Variants in POU2F2 observed in about 807,000 individuals in gnomAD.
POU2F2 encodes the protein POU class 2 homeobox 2, also known as POU domain, class 2, transcription factor 2.
A neutral mutation model predicts 63.5 loss-of-function variants in POU2F2; 14 were observed. The observed-to-expected ratio is 0.22, with a 90% CI of 0.15 to 0.34. The LOEUF is 0.34. POU2F2 is among the 10% of genes least tolerant of loss of function. The pLI is 1.00. For missense variants in POU2F2, 607 were observed against 815.2 expected (o/e 0.74, Z 3.11); for synonymous variants, 306 against 348.6 (o/e 0.88, Z 1.36).
intron 1 of POU2F2, among the ~76,000 whole-genome samples, chr19:42,183,041 G>A (rs868221927): frequency 2.0e-5 from 3 of 152,190 alleles, no homozygotes; most frequent in African/African-American, 7.2e-5. Flanking sequence ...GGATGAAAAG[G>A]CCATGAGGCA....
intron 1 of POU2F2, among the ~76,000 whole-genome samples, chr19:42,126,668 G>A (rs2033228797): frequency 6.6e-6 from 1 of 152,090 alleles, no homozygotes; most frequent in Non-Finnish European, 1.5e-5. Flanking sequence ...TGATGTGGAA[G>A]CCCTAGCAAA....
intron 2 of POU2F2, among the ~76,000 whole-genome samples, chr19:42,144,390 C>A (rs1020241647): frequency 1.3e-5 from 2 of 152,214 alleles, no homozygotes; most frequent in Non-Finnish European, 2.9e-5. Context: ...CCTCACAAGG[C>A]GGGAGAAGAA....
chr19:42,152,397 T>C lies in POU2F2; in HGVS notation c.-9+7935A>G, dbSNP rs537405361. ...AAGGCCCCAGATGGGCCGAGGACTA[T>C]AGGGGTCCCGGCTGCCCTCCCCCAA... is the stretch of plus-strand genomic sequence containing the variant. On this transcript the variant is annotated intron_variant, in intron 2 of 6. Transcript: ENST00000524801. This position sits in a 1 kb window ranked among gnomAD's most constrained non-coding sequence, Gnocchi z 4.1. Among the ~76,000 whole-genome samples, 25 of 151,782 alleles carry C rather than the reference T, an allele frequency of 1.6e-4. No homozygotes were observed. Among genetic ancestry groups the C allele is most frequent in the African/African-American group, 4.8e-4 (20 of 41,386 alleles).
chr19:42,186,358 G>T (rs1367452150), intron 1 of POU2F2, among the ~76,000 whole-genome samples: 3 of 151,980 alleles, frequency 2.0e-5, no homozygotes, highest in Non-Finnish European at 4.4e-5. Context: ...AACAAAAAAA[G>T]AATTTTAAAG....
rs117017756 is a variant in POU2F2 at position 42,148,846 on chromosome 19, C to T, written c.-9+11486G>A. Among the ~76,000 whole-genome samples the T allele has an allele frequency of 8.6e-5, 13 of 151,854 alleles. No homozygotes were observed. The East Asian group carries it at 1.7e-3, about 20-fold the overall frequency. ...AATGAACCAGACACCAGTGATGTCA[C>T]GGCCCCTGCTCTGGGGAGCTGACAA... On this transcript the variant is annotated intron_variant, in intron 2 of 6. Transcript: ENST00000524801.
rs765849027 is a variant in POU2F2, at chr19:42,152,293, G to T, written c.-9+8039C>A. 2.0e-5 allele frequency among the ~76,000 whole-genome samples: 3 copies of T among 152,102 alleles called. No individual in the cohort carries two copies. The highest frequency in any genetic ancestry group is 2.9e-5 in the Non-Finnish European group (2 of 67,990). On this transcript the variant is annotated intron_variant, in intron 2 of 6. Transcript: ENST00000524801. The surrounding 1 kb of genome is among the most constrained non-coding windows in gnomAD (Gnocchi z 4.1). ...CTCTCGGGGAGAGGGCCGCAGCGAA[G>T]AAGAAGAGGGGGAGAATAAGGCGGG...
chr19:42,099,768 G>A lies in POU2F2; in HGVS notation c.423C>T (p.His141=). Residue 141 remains histidine, a synonymous_variant, in exon 6 of 15, where the codon CAC becomes CAT. Coordinates refer to ENST00000692977, the MANE Select transcript of POU2F2 (RefSeq NM_001394376.1). ...LQQLVLVPGH[H]LQPPAQFLLP... The stretch of plus-strand genomic sequence containing the variant: ...GCAGGAACTGAGCAGGTGGCTGGAG[G>A]TGGTGGCCTGGCACAAGCACCAGCT... The A allele has an allele frequency of 6.3e-7, 1 of 1,588,192 alleles. No individual in the cohort carries two copies. The highest frequency in any genetic ancestry group is 8.6e-7 in the Non-Finnish European group (1 of 1,165,966).
chr19:42,147,795 T>G (rs923772034), intron 2 of POU2F2, among the ~76,000 whole-genome samples: 4 of 152,150 alleles, frequency 2.6e-5, no homozygotes, highest in African/African-American at 9.7e-5. Flanking sequence ...TACAAAAGCT[T>G]AAAGACCTGG....
intron 2 of POU2F2, among the ~76,000 whole-genome samples, chr19:42,151,290 G>A (rs1331035667): frequency 6.6e-6 from 1 of 151,788 alleles, no homozygotes; most frequent in Non-Finnish European, 1.5e-5. Flanking sequence ...GAGAGGGGCT[G>A]TGGGGATGGC....
At position 42,092,097 on chromosome 19, in the gene POU2F2, C is replaced by T. The variant is rs576339000; in HGVS notation, c.1438G>A (p.Gly480Ser). The change falls in exon 13 of 15, where the codon GGC becomes AGC. Residue 480 changes from glycine (G) to serine (S), a missense_variant. Coordinates refer to ENST00000692977, the MANE Select transcript of POU2F2 (RefSeq NM_001394376.1). The surrounding 1 kb of genome is among the most constrained non-coding windows in gnomAD (Gnocchi z 5.0). ...GTGCTGGGGTTCAGGCCTGACAAGC[C>T]GATAGCCGAGTGGCTGCCTTGAGGG... The part of the protein sequence containing the change: ...PSPQGSHSAI[G>S]LSGLNPSTGS... 14 of 1,595,794 alleles carry T rather than the reference C, an allele frequency of 8.8e-6. No homozygotes were observed. In the East Asian group the frequency reaches 8.9e-5, roughly 10 times the overall value.
chr19:42,137,930 T>C (rs1359307719), intron 2 of POU2F2, among the ~76,000 whole-genome samples: 1 of 152,130 alleles, frequency 6.6e-6, no homozygotes, highest in Non-Finnish European at 1.5e-5. Context: ...AGGAGGCCTA[T>C]AGAGCTGGAG....
intron 5 of POU2F2, among the ~76,000 whole-genome samples, chr19:42,109,127 C>T (rs1275928574): frequency 6.6e-6 from 1 of 152,212 alleles, no homozygotes; most frequent in Non-Finnish European, 1.5e-5. Flanking sequence ...GGCTCAGTTC[C>T]ACCTGGGGGA....
chr19:42,143,743 G>A (rs1640763142), intron 2 of POU2F2, among the ~76,000 whole-genome samples: 1 of 152,016 alleles, frequency 6.6e-6, no homozygotes, highest in Non-Finnish European at 1.5e-5. Context: ...TCTTGCCTCA[G>A]GACTTTTGCT....
At chr19:42,148,929 G>A (rs1326148797) in intron 2 of POU2F2, among the ~76,000 whole-genome samples, 3 of 151,972 alleles carry the variant, frequency 2.0e-5, no homozygotes, top group African/African-American at 4.8e-5. Context: ...GCATGACCCT[G>A]GTTGGGCCTC....
intron 2 of POU2F2, 53 bp from the exon 3 acceptor site, chr19:42,122,431 T>A: frequency 6.2e-7 from 1 of 1,610,082 alleles, no homozygotes; most frequent in Non-Finnish European, 8.5e-7. Context: ...ACCACACCTG[T>A]CCCCTCCCAG....
Position 42,096,007 on chromosome 19 carries a change from GC to G in POU2F2, c.729+74del. ...CTGGGCCCGCTCCGCCCGCCCACTG[GC>G]CACGCCCCTCGCGGCATCTATCAAC... On this transcript the variant is annotated intron_variant, in intron 8 of 14. Coordinates refer to ENST00000692977, the MANE Select transcript of POU2F2 (RefSeq NM_001394376.1). This position sits in a 1 kb window ranked among gnomAD's most constrained non-coding sequence, Gnocchi z 4.1. The G allele has an allele frequency of 6.3e-7, 1 of 1,582,652 alleles. No individual in the cohort carries two copies.
intron 1 of POU2F2, among the ~76,000 whole-genome samples, chr19:42,193,175 G>C (rs974495048): frequency 6.9e-6 from 1 of 145,976 alleles, no homozygotes; most frequent in African/African-American, 2.5e-5. Flanking sequence ...CCAAGATCGG[G>C]CCACTGCACT....
chr19:42,193,416 C>T (rs2146829276), intron 1 of POU2F2, among the ~76,000 whole-genome samples: 1 of 152,152 alleles, frequency 6.6e-6, no homozygotes, highest in East Asian at 1.9e-4. Context: ...AAGAGGGAGG[C>T]AGAGGAAGAT....
chr19:42,184,933 A>C (rs1214362776), intron 1 of POU2F2, among the ~76,000 whole-genome samples: 3 of 151,990 alleles, frequency 2.0e-5, no homozygotes, highest in Admixed American at 1.3e-4. Context: ...CAAAATCAAC[A>C]TGTCTAATCT....
Sources: allele counts gnomAD v4.1 joint callset (sites outside exome capture counted in the v4.1 genomes callset), GRCh38; gene constraint gnomAD v4.1.1; non-coding constraint Gnocchi (gnomAD v3.1); transcripts MANE v1.5; gene names NCBI Gene and HGNC (gene_info 2026-07-23, HGNC 2026-07-21).